SPATA6: variants seen among roughly 807,000 people sequenced by gnomAD.
SPATA6 encodes spermatogenesis-associated protein 6.
SPATA6 carries 56 observed loss-of-function variants against 65.3 expected under a neutral mutation model. The observed-to-expected ratio is 0.86, with a 90% confidence interval of 0.69 to 1.07. The LOEUF (loss-of-function observed/expected upper bound fraction) is 1.07. SPATA6 is among the 50% of genes least tolerant of loss of function. The pLI is 0.00. For synonymous variants in SPATA6, 199 were observed against 213.2 expected (o/e 0.93, Z 0.58); for missense variants, 590 against 594.8 (o/e 0.99, Z 0.08).
intron 11 of SPATA6, among the ~76,000 whole-genome samples, chr1:48,349,826 C>G (rs2148791189): frequency 6.6e-6 from 1 of 151,900 alleles, no homozygotes; most frequent in South Asian, 2.1e-4. Flanking sequence ...GAGTAGTATT[C>G]CATTGAAGAC....
intron 11 of SPATA6, among the ~76,000 whole-genome samples, chr1:48,314,097 C>CTT (rs1204651006): frequency 1.3e-5 from 2 of 152,148 alleles, no homozygotes; most frequent in African/African-American, 4.8e-5. Flanking sequence ...TAATGGGAGA[C>CTT]TTTGACACCC....
chr1:48,410,389 G>A (rs986150896), intron 5 of SPATA6, among the ~76,000 whole-genome samples: 2 of 152,146 alleles, frequency 1.3e-5, no homozygotes, highest in Non-Finnish European at 2.9e-5. Flanking sequence ...CAAGTCTCTA[G>A]GAAGTTCCAA....
chr1:48,429,096 T>C (rs1654164355), intron 3 of SPATA6, among the ~76,000 whole-genome samples: 1 of 151,758 alleles, frequency 6.6e-6, no homozygotes, highest in Non-Finnish European at 1.5e-5. Context: ...AAGTACTTTT[T>C]TTAGGAGCAA....
At chr1:48,299,182 T>G (rs1569968443) in intron 12 of SPATA6, among the ~76,000 whole-genome samples, 2 of 151,868 alleles carry the variant, frequency 1.3e-5, no homozygotes, top group East Asian at 1.9e-4. Context: ...CAGAACATAA[T>G]AAAAGCAGTT....
chr1:48,430,476 T>TA (rs2148055940), intron 3 of SPATA6, among the ~76,000 whole-genome samples: 1 of 152,248 alleles, frequency 6.6e-6, no homozygotes, highest in South Asian at 2.1e-4. Context: ...AAGAAATGTT[T>TA]AAGAGAGTCC....
At chr1:48,401,216 AAT>A (rs571117454) in intron 6 of SPATA6, among the ~76,000 whole-genome samples, 202 of 152,070 alleles carry the variant, frequency 1.3e-3, no homozygotes, top group Admixed American at 2.6e-3. Flanking sequence ...ACACATTTTT[AAT>A]ATCTCTTACC....
chr1:48,422,080 C>T (rs1157745442), intron 3 of SPATA6, among the ~76,000 whole-genome samples: 2 of 151,930 alleles, frequency 1.3e-5, no homozygotes, highest in African/African-American at 4.8e-5. Flanking sequence ...AATAATGAAA[C>T]AGGCATAATG....
chr1:48,263,358 C>A, the SPATA6 span, among the ~76,000 whole-genome samples: 1 of 151,984 alleles, frequency 6.6e-6, no homozygotes, highest in Non-Finnish European at 1.5e-5. Flanking sequence ...TAAGATGGAT[C>A]AAAAGTATAT....
intron 4 of SPATA6, 35 bp from the exon 5 acceptor site, chr1:48,411,623 T>C (rs1652242473): frequency 6.8e-7 from 1 of 1,468,488 alleles, no homozygotes; most frequent in Non-Finnish European, 9.1e-7. Context: ...CAAATTATAA[T>C]AAAATATTCT....
intron 11 of SPATA6, chr1:48,325,830 T>C (rs1645743115): frequency 2.3e-6 from 1 of 426,474 alleles, no homozygotes; most frequent in Non-Finnish European, 4.6e-6. Context: ...TCCAACTGAA[T>C]GTGACCAAGA....
intron 3 of SPATA6, among the ~76,000 whole-genome samples, chr1:48,426,790 G>T (rs1381705993): frequency 6.6e-6 from 1 of 151,642 alleles, no homozygotes; most frequent in Non-Finnish European, 1.5e-5. Context: ...GCAAAATAGA[G>T]CAAAATTATA....
intron 8 of SPATA6, among the ~76,000 whole-genome samples, chr1:48,389,968 A>G (rs961298719): frequency 2.6e-5 from 4 of 152,234 alleles, no homozygotes; most frequent in Non-Finnish European, 5.9e-5. Context: ...AAGAATATAG[A>G]AAAACACCAG....
chr1:48,371,984 TACA>T (rs1215834479), intron 9 of SPATA6, among the ~76,000 whole-genome samples: 1 of 152,140 alleles, frequency 6.6e-6, no homozygotes, highest in Admixed American at 6.5e-5. Flanking sequence ...AGGTCCCTCC[TACA>T]ACATGTGGGA....
rs192403537 is a variant in SPATA6, at chr1:48,398,618, A to G, written c.780+733T>C. On this transcript the variant is annotated intron_variant, in intron 7 of 12. Coordinates refer to ENST00000371847, the MANE Select transcript of SPATA6 (RefSeq NM_019073.4). ...ATTAATCCATATTTTTATTAGTCTG[A>G]AAGCTTTCAGTAAAGAATTGCTTTT... Among the ~76,000 whole-genome samples, 512 of 151,922 alleles carry G rather than the reference A, an allele frequency of 3.4e-3. 4 individuals carry two copies. The highest frequency in any genetic ancestry group is 0.012 in the African/African-American group (490 of 41,526).
At chr1:48,267,753 T>A in the SPATA6 span, among the ~76,000 whole-genome samples, 2 of 26,920 alleles carry the variant, frequency 7.4e-5, no homozygotes, top group African/African-American at 2.7e-4. Flanking sequence ...AGGGTCTGGG[T>A]TTTTTTTTTT....
intron 1 of SPATA6, among the ~76,000 whole-genome samples, chr1:48,455,828 T>G (rs978648005): frequency 6.6e-6 from 1 of 152,154 alleles, no homozygotes; most frequent in Non-Finnish European, 1.5e-5. Flanking sequence ...TTGTAACATA[T>G]GCAAGAAGGC....
chr1:48,270,655 C>T, the SPATA6 span, among the ~76,000 whole-genome samples: 1 of 151,668 alleles, frequency 6.6e-6, no homozygotes, highest in Non-Finnish European at 1.5e-5. Context: ...AGATGGCAGT[C>T]CTTAATAAAT....
At position 48,363,490 on chromosome 1, in the gene SPATA6, G is replaced by A. The variant is rs369334457; in HGVS notation, c.910-3720C>T. Among the ~76,000 whole-genome samples the A allele has an allele frequency of 3.3e-5, 5 of 152,170 alleles. No individual in the cohort carries two copies. The East Asian group carries it at 7.7e-4, about 24-fold the overall frequency. ...TATGAACTGAAAACACAATATTACAGATTTGACACAAAAATTAAATGAAAG... is the reference window on the plus strand; with the variant it reads ...TATGAACTGAAAACACAATATTACAAATTTGACACAAAAATTAAATGAAAG... On this transcript the variant is annotated intron_variant, in intron 9 of 12. Transcript: ENST00000371847.
At chr1:48,469,607 A>C (rs12139933) in intron 1 of SPATA6, among the ~76,000 whole-genome samples, 11,780 of 151,964 alleles carry the variant, frequency 0.078, 615 homozygotes, top group East Asian at 0.23. Flanking sequence ...CCTGGAAGCA[A>C]CACTTCTCTG....
Sources: gnomAD v4.1 joint callset for allele counts (sites outside exome capture counted in the v4.1 genomes callset) on GRCh38, gnomAD v4.1.1 for gene constraint, MANE v1.5 for transcripts, NCBI Gene and HGNC (gene_info 2026-07-23, HGNC 2026-07-21) for gene names.